The following LARP1 variants were observed in gnomAD, a reference collection of about 807,000 sequenced individuals.
The protein encoded by LARP1 is la-related protein 1.
In LARP1, 36 loss-of-function variants were observed where a neutral mutation model predicts 122.7. The observed-to-expected ratio is 0.29, with a 90% CI of 0.22 to 0.39. LARP1 has a LOEUF of 0.39. Ranked by LOEUF, LARP1 falls within the 10% of genes least tolerant of loss-of-function variation. The pLI, the probability that LARP1 is intolerant of heterozygous loss-of-function variation, is 1.00. For synonymous variants in LARP1, 539 were observed against 528.7 expected, an observed-to-expected ratio of 1.02 and a Z score of -0.27; for missense variants, 1,040 against 1,403.6, an observed-to-expected ratio of 0.74 and a Z score of 4.14.
At chr5:154,715,482 A>T (rs141198450) in intron 1 of LARP1, among the ~76,000 whole-genome samples, 6,000 of 151,976 alleles carry the variant, frequency 0.039, 283 homozygotes, top group East Asian at 0.17. Context: ...ACCTCAGGTG[A>T]TCTGCCCGCC....
Position 154,814,313 on chromosome 5 carries a change from C to T in LARP1, c.*217C>T. The T allele has an allele frequency of 2.2e-6, 1 of 463,482 alleles. No individual in the cohort carries two copies. Among genetic ancestry groups the T allele is most frequent in the South Asian group, 4.1e-5 (1 of 24,126 alleles). The allele number at this position is 463,482 out of a possible 1,614,324, so 28.7% of individuals were successfully genotyped here. On this transcript the variant is annotated 3_prime_UTR_variant, in exon 19 of 19. Transcript: ENST00000518297. ...CCCCTTCCCCCTCCTCTCTCCATGA[C>T]TCTTGACATCCTAGCTTCTTCTAAG...
At chr5:154,797,841 C>T (rs1432125446) in intron 8 of LARP1, among the ~76,000 whole-genome samples, 2 of 152,086 alleles carry the variant, frequency 1.3e-5, no homozygotes, top group African/African-American at 2.4e-5. Flanking sequence ...GTGCACACCA[C>T]GTGTGGCTAA....
chr5:154,798,989 G>A (rs1037040319), intron 8 of LARP1, among the ~76,000 whole-genome samples: 4 of 152,110 alleles, frequency 2.6e-5, no homozygotes, highest in East Asian at 1.9e-4. Context: ...TTAACCTCTC[G>A]AATAGCTGGG....
rs748103933 is a variant in LARP1 at position 154,793,766 on chromosome 5, C to T, written c.869-34C>T. ...TGGAGGGCCTGGACTTGGGAGACAC[C>T]CTCAGGCCTGACCTGGTACCCCTCT... is the stretch of plus-strand genomic sequence containing the variant. On this transcript the variant is annotated intron_variant, in intron 5 of 18. Transcript: ENST00000518297. The T allele has an allele frequency of 7.4e-6, 12 of 1,614,122 alleles. No individual in the cohort carries two copies. The South Asian group carries it at 9.9e-5, about 13-fold the overall frequency.
At chr5:154,702,523 T>G (rs963201881) in intron 1 of LARP1, among the ~76,000 whole-genome samples, 1 of 147,958 alleles carries the variant, frequency 6.8e-6, no homozygotes, top group Non-Finnish European at 1.5e-5. Flanking sequence ...GCCATTGCAC[T>G]CCAGCCTGGG....
chr5:154,741,087 G>A (rs1327903591), intron 1 of LARP1, among the ~76,000 whole-genome samples: 1 of 152,112 alleles, frequency 6.6e-6, no homozygotes, highest in East Asian at 1.9e-4. Flanking sequence ...CTGGGGAAGA[G>A]GAACAGCAGA....
rs1453314152 is a variant in LARP1 at position 154,803,178 on chromosome 5, A to C, written c.2110-112A>C. The C allele has an allele frequency of 2.2e-6, 3 of 1,378,012 alleles. No homozygotes were observed. The highest frequency in any genetic ancestry group is 3.1e-6 in the Non-Finnish European group (3 of 982,726). The allele number at this position is 1,378,012 out of a possible 1,614,324, so 85.4% of individuals were successfully genotyped here. The stretch of plus-strand genomic sequence containing the variant: ...GAGCCTGGGGACCAGAATTCCACGT[A>C]TGTCGACGTGGGAGCTGCCCTCTCC... On this transcript the variant is annotated intron_variant, in intron 11 of 18. Coordinates refer to ENST00000518297, the MANE Select transcript of LARP1 (RefSeq NM_033551.3). This position sits in a 1 kb window ranked among gnomAD's most constrained non-coding sequence, Gnocchi z 4.4.
At chr5:154,754,274 CAA>C (rs764339301), upstream of LARP1, among the ~76,000 whole-genome samples, 4 of 152,126 alleles carry the variant, frequency 2.6e-5, no homozygotes, top group Non-Finnish European at 5.9e-5. Flanking sequence ...TAGTTTATAC[CAA>C]ACCCGTTTCC....
chr5:154,775,682 C>T lies in LARP1; in HGVS notation c.437-14643C>T, dbSNP rs141882788. Among the ~76,000 whole-genome samples, 607 of 152,258 alleles carry T rather than the reference C, an allele frequency of 4.0e-3. 3 individuals carry two copies. The highest frequency in any genetic ancestry group is 0.014 in the African/African-American group (593 of 41,546). On this transcript the variant is annotated intron_variant, in intron 1 of 18. Transcript: ENST00000518297. ...CACCTGGCAGGTGAACTAACGGGCT[C>T]AAGAGGAGTGGATTCTGGTGGCCTC... is the stretch of plus-strand genomic sequence containing the variant.
rs1254293122 is a variant in LARP1, at chr5:154,790,739, T to C, written c.564+29T>C. ...AGTCTGTGTGGAAGAATAGGCAGGTTTGAAGTCTCTTGACATACACACATT... is the reference window on the plus strand; with the variant it reads ...AGTCTGTGTGGAAGAATAGGCAGGTCTGAAGTCTCTTGACATACACACATT... On this transcript the variant is annotated intron_variant, in intron 3 of 18. Coordinates refer to ENST00000518297, the MANE Select transcript of LARP1 (RefSeq NM_033551.3). 1.9e-6 allele frequency: 3 copies of C among 1,594,808 alleles called. No individual in the cohort carries two copies. The South Asian group carries it at 3.3e-5, about 18-fold the overall frequency.
At chr5:154,707,351 C>G (rs994512287) in intron 1 of LARP1, among the ~76,000 whole-genome samples, 2 of 152,180 alleles carry the variant, frequency 1.3e-5, no homozygotes, top group Admixed American at 1.3e-4. Flanking sequence ...TACTGATACT[C>G]AAGGAGTCCT....
intron 1 of LARP1, among the ~76,000 whole-genome samples, chr5:154,732,577 T>C (rs1413407078): frequency 6.6e-6 from 1 of 152,230 alleles, no homozygotes; most frequent in Non-Finnish European, 1.5e-5. Context: ...ATTTGTTAGA[T>C]ATTGGTCTTT....
chr5:154,795,802 C>A (rs1757700826), intron 8 of LARP1, among the ~76,000 whole-genome samples: 1 of 134,912 alleles, frequency 7.4e-6, no homozygotes, highest in Admixed American at 8.9e-5. Flanking sequence ...AGATTCATCC[C>A]AATTGGCGCC....
chr5:154,787,426 G>A (rs1201485591), intron 1 of LARP1, among the ~76,000 whole-genome samples: 1 of 152,204 alleles, frequency 6.6e-6, no homozygotes, highest in Non-Finnish European at 1.5e-5. Flanking sequence ...GTGTGCACGT[G>A]TGCACACGTG....
intron 1 of LARP1, among the ~76,000 whole-genome samples, chr5:154,703,456 T>C (rs1489580248): frequency 2.0e-5 from 3 of 151,930 alleles, no homozygotes; most frequent in African/African-American, 7.2e-5. Context: ...TCTATGCTCA[T>C]TTATTCATTC....
rs527808446 is a variant in LARP1 at position 154,764,443 on chromosome 5, A to T, written c.436+8250A>T. Among the ~76,000 whole-genome samples, 279 of 150,264 alleles carry T rather than the reference A, an allele frequency of 1.9e-3. 2 individuals are homozygous for T. The highest frequency in any genetic ancestry group is 3.6e-3 in the Non-Finnish European group (243 of 67,466). Reference sequence around the variant, plus strand: ...ACATAGTGAGAGACCCCATCTCTTTAAAAAAAAATTAACTGGGTGTGGTGG... The same window carrying T: ...ACATAGTGAGAGACCCCATCTCTTTTAAAAAAAATTAACTGGGTGTGGTGG... On this transcript the variant is annotated intron_variant, in intron 1 of 18. Transcript: ENST00000518297.
rs529777798 is a variant in LARP1, at chr5:154,756,286, C to T, written c.436+93C>T. 2.1e-4 allele frequency: 211 copies of T among 997,028 alleles called. 2 individuals carry two copies. The African/African-American group carries it at 3.5e-3, about 16-fold the overall frequency. The allele number at this position is 997,028 out of a possible 1,614,324, so 61.8% of individuals were successfully genotyped here. ...AGCACCTCCAGGGCCCCGGGGTCTGCTACCGGTCATGGTGACTCGGGACTT... is the reference window on the plus strand; with the variant it reads ...AGCACCTCCAGGGCCCCGGGGTCTGTTACCGGTCATGGTGACTCGGGACTT... On this transcript the variant is annotated intron_variant, in intron 1 of 18. Coordinates refer to ENST00000518297, the MANE Select transcript of LARP1 (RefSeq NM_033551.3).
chr5:154,754,472 A>C (rs1308147695), upstream of LARP1, among the ~76,000 whole-genome samples: 1 of 152,268 alleles, frequency 6.6e-6, no homozygotes, highest in Admixed American at 6.5e-5. Flanking sequence ...CTCAGATCTC[A>C]GAAGTCCCAA....
intron 1 of LARP1, among the ~76,000 whole-genome samples, chr5:154,683,151 C>G (rs1315383145): frequency 6.6e-6 from 1 of 152,224 alleles, no homozygotes; most frequent in Admixed American, 6.5e-5. Flanking sequence ...CGGTGGGGGA[C>G]GGGCGACGGG....
Sources: allele counts gnomAD v4.1 joint callset (sites outside exome capture counted in the v4.1 genomes callset), GRCh38; gene constraint gnomAD v4.1.1; non-coding constraint Gnocchi (gnomAD v3.1); transcripts MANE v1.5; gene names NCBI Gene and HGNC (gene_info 2026-07-23, HGNC 2026-07-21).